Variants in UBAP2 observed in about 807,000 individuals in gnomAD.
UBAP2 encodes ubiquitin-associated protein 2.
In UBAP2, 75 loss-of-function variants were observed where a neutral mutation model predicts 139.6. The ratio of observed to expected loss-of-function variants is 0.54; its 90% CI spans 0.45 to 0.65. The LOEUF (loss-of-function observed/expected upper bound fraction) is 0.65. Ranked by LOEUF, UBAP2 falls within the 30% of genes least tolerant of loss-of-function variation. The pLI is 0.00. For synonymous variants in UBAP2, 526 were observed against 526.2 expected (o/e 1.00, Z 0.01); for missense variants, 1,368 against 1,369.6 (o/e 1.00, Z 0.02).
chr9:34,018,879 T>TAAAA (rs34147964), intron 1 of UBAP2, among the ~76,000 whole-genome samples: 147,064 of 151,812 alleles, frequency 0.97, 71,318 homozygotes, highest in Non-Finnish European at 1. Flanking sequence ...AATAAATAAA[T>TAAAA]TTTAAAAATA....
At chr9:33,964,999 T>C (rs1002948978) in intron 8 of UBAP2, among the ~76,000 whole-genome samples, 1 of 152,224 alleles carries the variant, frequency 6.6e-6, no homozygotes, top group African/African-American at 2.4e-5. Context: ...ATTTCTCCAA[T>C]GACTAATAAT....
chr9:34,048,776 G>C (rs1380524846), intron 1 of UBAP2, 49 bp downstream of exon 1: 1 of 152,298 alleles, frequency 6.6e-6, no homozygotes, highest in Non-Finnish European at 1.5e-5. Context: ...ACACGCTGCA[G>C]CGCTCAGGGC....
intron 2 of UBAP2, among the ~76,000 whole-genome samples, chr9:34,014,320 G>A (rs1824046150): frequency 2.1e-5 from 1 of 48,342 alleles, no homozygotes. Context: ...GAGCGAGACT[G>A]TCTCAAAAAA....
chr9:34,012,581 G>C (rs1387392389), intron 2 of UBAP2, among the ~76,000 whole-genome samples: 1 of 150,436 alleles, frequency 6.6e-6, no homozygotes, highest in African/African-American at 2.4e-5. Flanking sequence ...AGTATGGTCT[G>C]TAGATGTTCT....
chr9:34,039,424 G>A (rs1488707521), intron 1 of UBAP2, among the ~76,000 whole-genome samples: 1 of 152,198 alleles, frequency 6.6e-6, no homozygotes, highest in Non-Finnish European at 1.5e-5. Context: ...GGGGAAATGT[G>A]GGGAAAAGAT....
chr9:33,961,971 C>T (rs1010933240), intron 9 of UBAP2, among the ~76,000 whole-genome samples: 9 of 152,080 alleles, frequency 5.9e-5, no homozygotes, highest in African/African-American at 2.2e-4. Context: ...GTAAACTGTG[C>T]CAATATTTGG....
intron 1 of UBAP2, among the ~76,000 whole-genome samples, chr9:34,033,222 T>C (rs1055006093): frequency 6.6e-6 from 1 of 152,166 alleles, no homozygotes; most frequent in Non-Finnish European, 1.5e-5. Flanking sequence ...CCTAAGTGTC[T>C]ATCAACAGGT....
Position 33,998,626 on chromosome 9 carries a change from A to C in UBAP2, c.177+161T>G, listed in dbSNP as rs1164617970. ...CAATTCCTTCACTTGCCCACCAATA[A>C]AGGTATTTTTAATCACAAGTCCAAA... On this transcript the variant is annotated intron_variant, in intron 3 of 28. Transcript: ENST00000379238. 3 of 572,940 alleles carry C rather than the reference A, an allele frequency of 5.2e-6. No individual in the cohort carries two copies. In the African/African-American group the frequency reaches 5.7e-5, roughly 11 times the overall value. The allele number at this position is 572,940 out of a possible 1,614,324, so 35.5% of individuals were successfully genotyped here. A position where few individuals can be genotyped will look rare whatever the true frequency, so the allele number is the denominator to read the frequency against.
chr9:33,975,449 A>ACAC, intron 6 of UBAP2, among the ~76,000 whole-genome samples: 1 of 146,506 alleles, frequency 6.8e-6, no homozygotes, highest in South Asian at 2.1e-4. Flanking sequence ...AAAAAACAAA[A>ACAC]AAAAAACCAA....
chr9:33,936,146 C>G (rs950519463), intron 16 of UBAP2, among the ~76,000 whole-genome samples: 4 of 152,106 alleles, frequency 2.6e-5, no homozygotes, highest in African/African-American at 9.7e-5. Flanking sequence ...CCATGCCTAG[C>G]TAATTCTTGT....
rs779033546 is a variant in UBAP2, at chr9:33,941,643, A to T, written c.1929+6T>A. The T allele has an allele frequency of 5.0e-6, 8 of 1,612,958 alleles. No homozygotes were observed. Among genetic ancestry groups the T allele is most frequent in the African/African-American group, 1.3e-5 (1 of 74,894 alleles). ...CTTCTGAGAAAAAAACTAAAATACC[A>T]CTTACCATGATGGTTCCTGGAGCTG... On this transcript the variant is annotated splice_donor_region_variant and intron_variant, in intron 16 of 28. Transcript: ENST00000379238.
At chr9:33,987,626 T>C (rs183161681) in intron 5 of UBAP2, among the ~76,000 whole-genome samples, 3 of 151,846 alleles carry the variant, frequency 2.0e-5, no homozygotes, top group Admixed American at 2.0e-4. Flanking sequence ...GTGAAAAAAA[T>C]ATATATATAT....
At chr9:33,952,111 G>T (rs1031209738) in intron 12 of UBAP2, among the ~76,000 whole-genome samples, 1 of 152,138 alleles carries the variant, frequency 6.6e-6, no homozygotes, top group Admixed American at 6.5e-5. Context: ...TAAAACAAAC[G>T]ATTTGACTCG....
At chr9:33,999,056 C>A (rs1587636241) in intron 2 of UBAP2, among the ~76,000 whole-genome samples, 192 bp from the exon 3 acceptor site, 1 of 152,264 alleles carries the variant, frequency 6.6e-6, no homozygotes, top group East Asian at 1.9e-4. Flanking sequence ...AATTAAGTAA[C>A]ATAAAGGACC....
chr9:33,976,835 A>T (rs929209056), intron 6 of UBAP2, among the ~76,000 whole-genome samples: 19 of 143,816 alleles, frequency 1.3e-4, no homozygotes, highest in Non-Finnish European at 2.8e-4. Flanking sequence ...CATCTCTACT[A>T]AAAAAAATGT....
intron 13 of UBAP2, among the ~76,000 whole-genome samples, chr9:33,946,322 T>C (rs1240593350): frequency 2.0e-5 from 3 of 152,346 alleles, no homozygotes; most frequent in East Asian, 3.9e-4. Flanking sequence ...TTTTCTGCCA[T>C]ACCCAGAAAG....
chr9:33,975,030 T>C (rs554720281), intron 6 of UBAP2, among the ~76,000 whole-genome samples: 2 of 152,138 alleles, frequency 1.3e-5, no homozygotes, highest in South Asian at 2.1e-4. Context: ...TAAAAGATAC[T>C]CAGTATTGCT....
intron 1 of UBAP2, among the ~76,000 whole-genome samples, chr9:34,024,921 T>C (rs1587679991): frequency 6.6e-6 from 1 of 151,576 alleles, no homozygotes; most frequent in Admixed American, 6.6e-5. Flanking sequence ...GAGGCGGAGG[T>C]TGCAGTGAAC....
chr9:33,981,647 C>A (rs1273945268), intron 6 of UBAP2, among the ~76,000 whole-genome samples: 1 of 151,870 alleles, frequency 6.6e-6, no homozygotes, highest in Non-Finnish European at 1.5e-5. Context: ...AGCCACTGTA[C>A]TTGGCCTGAA....
Sources: allele counts gnomAD v4.1 joint callset (sites outside exome capture counted in the v4.1 genomes callset), GRCh38; gene constraint gnomAD v4.1.1; transcripts MANE v1.5; gene names NCBI Gene and HGNC (gene_info 2026-07-23, HGNC 2026-07-21).